The following TMEM163 variants were observed in gnomAD, a reference collection of about 807,000 sequenced individuals.
The protein encoded by TMEM163 is transmembrane protein 163.
Under a neutral mutation model 29.3 loss-of-function variants are expected in TMEM163, and 17 were observed. That is an observed-to-expected ratio of 0.58 (90% CI 0.40 to 0.87). TMEM163 has a LOEUF of 0.87. TMEM163 is among the 40% of genes least tolerant of loss of function. TMEM163 has a pLI of 0.00. For synonymous variants in TMEM163, 157 were observed against 160.6 expected (o/e 0.98, Z 0.17); for missense variants, 303 against 381.5 (o/e 0.79, Z 1.71).
intron 2 of TMEM163, among the ~76,000 whole-genome samples, chr2:134,687,332 G>A (rs1684370451): frequency 6.6e-6 from 1 of 152,158 alleles, no homozygotes; most frequent in Admixed American, 6.5e-5. Context: ...AGCCATGGGA[G>A]GTGGAGAGAG....
intron 5 of TMEM163, among the ~76,000 whole-genome samples, chr2:134,496,734 T>C (rs1679572151): frequency 6.6e-6 from 1 of 152,176 alleles, no homozygotes; most frequent in Admixed American, 6.5e-5. Context: ...AGGGGAACCT[T>C]ACTAATTAAG....
intron 2 of TMEM163, among the ~76,000 whole-genome samples, chr2:134,678,468 A>G (rs145838106): frequency 1.3e-5 from 2 of 152,382 alleles, no homozygotes; most frequent in Non-Finnish European, 2.9e-5. Flanking sequence ...GTCTTTCTGT[A>G]AATAAAATAC....
At chr2:134,693,199 T>C (rs1257261880) in intron 2 of TMEM163, among the ~76,000 whole-genome samples, 1 of 152,128 alleles carries the variant, frequency 6.6e-6, no homozygotes, top group Non-Finnish European at 1.5e-5. Context: ...TCCCTCTTCA[T>C]CCAGAAACCT....
chr2:134,456,447 A>G lies in TMEM163; in HGVS notation c.*269T>C, dbSNP rs1213242706. 1 of 484,960 alleles carries G rather than the reference A, an allele frequency of 2.1e-6. No homozygotes were observed. Among genetic ancestry groups the G allele is most frequent in the East Asian group, 3.6e-5 (1 of 28,114 alleles). 30.0% of individuals were successfully genotyped at this position (484,960 alleles called of 1,614,324 possible). A position where few individuals can be genotyped will look rare whatever the true frequency, so the allele number is the denominator to read the frequency against. The stretch of plus-strand genomic sequence containing the variant: ...AGATCTCATCCTACCCATGAGAACC[A>G]TCATACTCCAGAGACTAAAAAACGC... On this transcript the variant is annotated 3_prime_UTR_variant, in exon 8 of 8. Transcript: ENST00000281924.
At chr2:134,703,175 A>C (rs1379171026) in intron 2 of TMEM163, among the ~76,000 whole-genome samples, 2 of 152,188 alleles carry the variant, frequency 1.3e-5, no homozygotes, top group Non-Finnish European at 2.9e-5. Flanking sequence ...GGTATCCAGG[A>C]AACAGGGGGT....
chr2:134,658,684 G>A (rs1053612239), intron 2 of TMEM163, among the ~76,000 whole-genome samples: 14 of 152,130 alleles, frequency 9.2e-5, no homozygotes, highest in Admixed American at 7.2e-4. Flanking sequence ...TGCAACCTCT[G>A]CCTCCCGGGT....
At chr2:134,668,086 A>G (rs191361968) in intron 2 of TMEM163, among the ~76,000 whole-genome samples, 142 of 152,338 alleles carry the variant, frequency 9.3e-4, no homozygotes, top group African/African-American at 3.0e-3. Context: ...GGATGGGGCC[A>G]GGGACCAAAA....
intron 5 of TMEM163, among the ~76,000 whole-genome samples, chr2:134,496,188 A>G (rs1223278823): frequency 6.6e-6 from 1 of 151,892 alleles, no homozygotes; most frequent in Non-Finnish European, 1.5e-5. Flanking sequence ...CAGCCTCCCA[A>G]GTAGCTGGGA....
chr2:134,474,780 T>C (rs75571619), intron 5 of TMEM163, among the ~76,000 whole-genome samples: 1,528 of 152,260 alleles, frequency 0.01, 30 homozygotes, highest in African/African-American at 0.035. Context: ...AAATACTAAA[T>C]ACTCAGTGAT....
At chr2:134,572,143 C>A (rs60774452) in intron 2 of TMEM163, among the ~76,000 whole-genome samples, 4,570 of 152,214 alleles carry the variant, frequency 0.03, 245 homozygotes, top group African/African-American at 0.1. Flanking sequence ...GAGAACTGAG[C>A]CCTGAGACAT....
chr2:134,680,305 G>A lies in TMEM163; in HGVS notation c.322+32895C>T, dbSNP rs1159691608. On this transcript the variant is annotated intron_variant, in intron 2 of 7. Transcript: ENST00000281924. ...ATTTACCCTCAAGGGATAGATAAAA[G>A]GATTAAATTAAAAGACTAAAATCAA... Among the ~76,000 whole-genome samples, 3 of 151,434 alleles carry A rather than the reference G, an allele frequency of 2.0e-5. No individual in the cohort carries two copies. The East Asian group carries it at 5.8e-4, about 29-fold the overall frequency.
At chr2:134,678,420 CAA>C (rs1274611340) in intron 2 of TMEM163, among the ~76,000 whole-genome samples, 5 of 152,328 alleles carry the variant, frequency 3.3e-5, no homozygotes, top group African/African-American at 1.2e-4. Context: ...TTTAGGGTTG[CAA>C]ATGGTCTCAG....
intron 2 of TMEM163, among the ~76,000 whole-genome samples, chr2:134,603,766 C>T (rs72984302): frequency 0.045 from 6,383 of 142,068 alleles, 460 homozygotes; most frequent in African/African-American, 0.15. Context: ...CCAGCAATGA[C>T]AGGAACATTG....
chr2:134,549,860 T>G (rs79938459), intron 4 of TMEM163, among the ~76,000 whole-genome samples: 14 of 150,042 alleles, frequency 9.3e-5, no homozygotes, highest in Non-Finnish European at 1.6e-4. Context: ...GTGTGTGTGT[T>G]TGTGTGTGTG....
intron 4 of TMEM163, among the ~76,000 whole-genome samples, chr2:134,541,206 TG>T (rs1680658657): frequency 6.6e-6 from 1 of 152,250 alleles, no homozygotes; most frequent in South Asian, 2.1e-4. Context: ...TCTGAAATCC[TG>T]GCAACCCATT....
At chr2:134,705,616 C>G (rs1217258798) in intron 2 of TMEM163, among the ~76,000 whole-genome samples, 5 of 152,168 alleles carry the variant, frequency 3.3e-5, no homozygotes, top group African/African-American at 1.2e-4. Context: ...TTCCTCTGTT[C>G]CTTCTGTGTC....
intron 2 of TMEM163, among the ~76,000 whole-genome samples, chr2:134,700,414 T>A (rs1261578603): frequency 6.6e-6 from 1 of 152,248 alleles, no homozygotes; most frequent in Non-Finnish European, 1.5e-5. Flanking sequence ...CTGTTCCATA[T>A]TCTGGATAAG....
chr2:134,521,334 T>C (rs1680185746), intron 4 of TMEM163, among the ~76,000 whole-genome samples: 1 of 152,146 alleles, frequency 6.6e-6, no homozygotes, highest in Non-Finnish European at 1.5e-5. Flanking sequence ...TGGCTCTATG[T>C]CAGTGGCTCT....
chr2:134,594,349 C>G (rs1682013000), intron 2 of TMEM163, among the ~76,000 whole-genome samples: 1 of 152,172 alleles, frequency 6.6e-6, no homozygotes, highest in East Asian at 1.9e-4. Context: ...TTATTTTATT[C>G]CATTATATGT....
Sources: gnomAD v4.1 joint callset for allele counts (sites outside exome capture counted in the v4.1 genomes callset) on GRCh38, gnomAD v4.1.1 for gene constraint, MANE v1.5 for transcripts, NCBI Gene and HGNC (gene_info 2026-07-23, HGNC 2026-07-21) for gene names.